The following EZH2 variants were observed in gnomAD, a reference collection of about 807,000 sequenced individuals.
The protein encoded by EZH2 is histone-lysine N-methyltransferase EZH2.
In EZH2, 18 loss-of-function variants were observed where a neutral mutation model predicts 98.4. The ratio of observed to expected loss-of-function variants is 0.18; its 90% CI spans 0.13 to 0.27. The LOEUF is 0.27. Among genes scored for constraint, EZH2 ranks in the 10% least tolerant of loss-of-function variants. EZH2 has a pLI of 1.00. For synonymous variants in EZH2, 338 were observed against 312.3 expected (o/e 1.08, Z -0.87); for missense variants, 470 against 935.1 (o/e 0.50, Z 6.49).
chr7:148,828,598 A>T, intron 6 of EZH2, 142 bp downstream of exon 6: 1 of 1,135,000 alleles, frequency 8.8e-7, no homozygotes. Flanking sequence ...ATAATATGTT[A>T]ATTTTGATTA....
At chr7:148,865,321 C>T (rs1818290591) in intron 1 of EZH2, among the ~76,000 whole-genome samples, 1 of 152,078 alleles carries the variant, frequency 6.6e-6, no homozygotes, top group Admixed American at 6.6e-5. Flanking sequence ...CACGCATAAG[C>T]CAACATCTAA....
intron 3 of EZH2, among the ~76,000 whole-genome samples, chr7:148,840,595 TA>T (rs1431401782): frequency 6.6e-6 from 1 of 152,178 alleles, no homozygotes; most frequent in Non-Finnish European, 1.5e-5. Context: ...GAGAAAAAGA[TA>T]AAACTTTTAA....
intron 10 of EZH2, 200 bp downstream of exon 10, chr7:148,817,677 C>G: frequency 1.1e-5 from 8 of 759,876 alleles, no homozygotes; most frequent in Non-Finnish European, 1.7e-5. Flanking sequence ...TTCAAACAAC[C>G]AAGCAGGGCA....
chr7:148,860,424 A>G (rs1018091848), intron 1 of EZH2, among the ~76,000 whole-genome samples: 6 of 152,218 alleles, frequency 3.9e-5, no homozygotes, highest in African/African-American at 1.4e-4. Flanking sequence ...AGAACAGGTC[A>G]AAAGACAACT....
At chr7:148,865,086 C>A (rs1818250012) in intron 1 of EZH2, among the ~76,000 whole-genome samples, 1 of 149,740 alleles carries the variant, frequency 6.7e-6, no homozygotes. Flanking sequence ...GAGATCGCGC[C>A]ACTGCTCTTC....
In EZH2 at chr7:148,829,855, GA is replaced by G; in HGVS notation, c.364-8del. The stretch of plus-strand genomic sequence containing the variant: ...AAACAGTTTCATCTTCCACCTAAAA[GA>G]AAAAAATATATTTAAAAAGCAGGTT... On this transcript the variant is annotated splice_region_variant and splice_polypyrimidine_tract_variant and intron_variant, in intron 4 of 19. Transcript: ENST00000320356. The G allele has an allele frequency of 2.0e-6, 3 of 1,537,562 alleles. No individual in the cohort carries two copies. Among genetic ancestry groups the G allele is most frequent in the East Asian group, 2.3e-5 (1 of 43,718 alleles).
At chr7:148,809,607 G>C (rs1373846806) in intron 17 of EZH2, among the ~76,000 whole-genome samples, 1 of 150,000 alleles carries the variant, frequency 6.7e-6, no homozygotes, top group African/African-American at 2.5e-5. Flanking sequence ...ATGGTTATCT[G>C]ACTCAAAAGC....
At chr7:148,816,824 G>T (rs975487048) in intron 11 of EZH2, 46 bp from the exon 12 acceptor site, 11 of 1,412,316 alleles carry the variant, frequency 7.8e-6, no homozygotes, top group Non-Finnish European at 1.1e-5. Context: ...GTCTTATTTA[G>T]GCAAACCATT....
chr7:148,816,321 T>C (rs1033224632), intron 12 of EZH2, among the ~76,000 whole-genome samples: 27 of 152,214 alleles, frequency 1.8e-4, no homozygotes, highest in African/African-American at 5.8e-4. Flanking sequence ...GAATAAAAGA[T>C]ACTTCTAAAA....
In EZH2 at chr7:148,858,796, G is replaced by GA. The variant is rs199895370; in HGVS notation, c.-7-11492dup. Reference sequence around the variant, plus strand: ...AACTGTTACACAAACAATTTAAAAGGAAAAAAAAAGATCTCCATAGCAGCC... The same window carrying GA: ...AACTGTTACACAAACAATTTAAAAGGAAAAAAAAAAGATCTCCATAGCAGCC... On this transcript the variant is annotated intron_variant, in intron 1 of 19. Coordinates refer to ENST00000320356, the MANE Select transcript of EZH2 (RefSeq NM_004456.5). 1.8e-3 allele frequency among the ~76,000 whole-genome samples: 274 copies of GA among 150,620 alleles called. 1 individual carries two copies. Among genetic ancestry groups the GA allele is most frequent in the African/African-American group, 6.1e-3 (250 of 41,078 alleles).
intron 9 of EZH2, 34 bp from the exon 10 acceptor site, chr7:148,818,151 G>C: frequency 1.3e-6 from 2 of 1,513,048 alleles, no homozygotes; most frequent in South Asian, 2.7e-5. Flanking sequence ...TCAGGGCAAA[G>C]TTCTAAAACT....
Position 148,826,497 on chromosome 7 carries a change from T to C in EZH2, c.864A>G (p.Arg288=). The C allele has an allele frequency of 6.2e-7, 1 of 1,601,752 alleles. No individual in the cohort carries two copies. The highest frequency in any genetic ancestry group is 8.5e-7 in the Non-Finnish European group (1 of 1,172,840). ...GTAGGAAGCAGTCATATTTAAAACA[T>C]CGCCTACAGAAAAGCGTATGAAAGG... ...LHSFHTLFCR[R]CFKYDCFLHR... The change falls in exon 8 of 20, where the codon CGA becomes CGG. Residue 288 remains arginine, a synonymous_variant. Coordinates refer to ENST00000320356, the MANE Select transcript of EZH2 (RefSeq NM_004456.5).
At chr7:148,813,898 G>C in intron 15 of EZH2, 61 bp downstream of exon 15, 1 of 1,525,916 alleles carries the variant, frequency 6.6e-7, no homozygotes, top group Admixed American at 1.9e-5. Flanking sequence ...AGGCAATCCT[G>C]ACATTTGCAT....
At chr7:148,857,918 T>G (rs1817080620) in intron 1 of EZH2, among the ~76,000 whole-genome samples, 5 of 151,556 alleles carry the variant, frequency 3.3e-5, no homozygotes, top group Admixed American at 3.3e-4. Flanking sequence ...AATCTAAAAA[T>G]GTTACATAAA....
chr7:148,838,647 G>A lies in EZH2; in HGVS notation c.247-5897C>T, dbSNP rs189871608. Among the ~76,000 whole-genome samples, 318 of 152,338 alleles carry A rather than the reference G, an allele frequency of 2.1e-3. 1 individual carries two copies. Among genetic ancestry groups the A allele is most frequent in the African/African-American group, 7.0e-3 (292 of 41,576 alleles). ...GGGAAAAATCAACTAAAATGGAACA[G>A]AGAGTATTATATAAATCTATAGTTT... On this transcript the variant is annotated intron_variant, in intron 3 of 19. Coordinates refer to ENST00000320356, the MANE Select transcript of EZH2 (RefSeq NM_004456.5).
chr7:148,859,710 A>AC (rs1750829729), intron 1 of EZH2, among the ~76,000 whole-genome samples: 1 of 152,300 alleles, frequency 6.6e-6, no homozygotes, highest in Non-Finnish European at 1.5e-5. Flanking sequence ...ACGGCAGTTC[A>AC]CCAACAGCAA....
chr7:148,809,510 TAAATC>T (rs1802444194), intron 17 of EZH2, 120 bp from the exon 18 acceptor site: 2 of 673,312 alleles, frequency 3.0e-6, no homozygotes, highest in South Asian at 4.1e-5. Context: ...CAAAAGCAAA[TAAATC>T]AAGCAGCTTC....
chr7:148,871,395 C>T (rs1411034145), intron 1 of EZH2, among the ~76,000 whole-genome samples: 2 of 71,424 alleles, frequency 2.8e-5, no homozygotes, highest in Admixed American at 3.6e-4. Flanking sequence ...AAATAAAAGA[C>T]GAATAATTAA....
At chr7:148,866,755 C>T (rs923917104) in intron 1 of EZH2, among the ~76,000 whole-genome samples, 2 of 148,640 alleles carry the variant, frequency 1.3e-5, no homozygotes, top group Admixed American at 1.3e-4. Flanking sequence ...CACTCTGTTG[C>T]CTGGGCTAGA....
Sources: gnomAD v4.1 joint callset for allele counts (sites outside exome capture counted in the v4.1 genomes callset) on GRCh38, gnomAD v4.1.1 for gene constraint, MANE v1.5 for transcripts, NCBI Gene and HGNC (gene_info 2026-07-23, HGNC 2026-07-21) for gene names.